DTNA: variants seen among roughly 807,000 people sequenced by gnomAD.
DTNA encodes the protein dystrophin-related protein 3.
Under a neutral mutation model 100.7 loss-of-function variants are expected in DTNA, and 43 were observed. The observed-to-expected ratio is 0.43, with a 90% CI of 0.33 to 0.55. The LOEUF is 0.55. Ranked by LOEUF, DTNA falls within the 20% of genes least tolerant of loss-of-function variation. The pLI is 0.04. For missense variants in DTNA, 798 were observed against 953.9 expected (o/e 0.84, Z 2.15); for synonymous variants, 349 against 347.9 (o/e 1.00, Z -0.04).
intron 5 of DTNA, among the ~76,000 whole-genome samples, chr18:34,811,290 T>C (rs2095480294): frequency 6.6e-6 from 1 of 152,194 alleles, no homozygotes; most frequent in Non-Finnish European, 1.5e-5. Flanking sequence ...TCCAGGACCC[T>C]GACTTTACCT....
chr18:34,575,105 T>A (rs1349198257), intron 1 of DTNA, among the ~76,000 whole-genome samples: 1 of 152,200 alleles, frequency 6.6e-6, no homozygotes, highest in Admixed American at 6.5e-5. Context: ...AAACATTTCT[T>A]CTCTCTTTCT....
intron 1 of DTNA, among the ~76,000 whole-genome samples, chr18:34,510,646 G>A (rs985702834): frequency 8.4e-6 from 1 of 119,752 alleles, no homozygotes; most frequent in Non-Finnish European, 1.7e-5. Context: ...TTTTTTTTTG[G>A]TGCTTCTCAA....
At chr18:34,599,339 G>A (rs2051294405) in intron 1 of DTNA, among the ~76,000 whole-genome samples, 1 of 152,074 alleles carries the variant, frequency 6.6e-6, no homozygotes, top group Non-Finnish European at 1.5e-5. Context: ...ATCTATAAAA[G>A]AACTCTAAAC....
intron 6 of DTNA, among the ~76,000 whole-genome samples, chr18:34,813,681 C>T (rs1324081886): frequency 7.9e-5 from 12 of 151,786 alleles, no homozygotes; most frequent in East Asian, 1.9e-4. Context: ...GTTGAAACCC[C>T]GTCTCTACTA....
intron 1 of DTNA, among the ~76,000 whole-genome samples, chr18:34,726,329 A>G (rs937074692): frequency 2.0e-5 from 3 of 152,162 alleles, no homozygotes; most frequent in African/African-American, 4.8e-5. Context: ...CCCGAATTTC[A>G]TGTCTTTCTC....
chr18:34,744,022 C>T (rs1005796517), intron 1 of DTNA, among the ~76,000 whole-genome samples: 1 of 152,078 alleles, frequency 6.6e-6, no homozygotes, highest in East Asian at 1.9e-4. Flanking sequence ...ATTATTATTT[C>T]CTTTTCCCAG....
intron 1 of DTNA, among the ~76,000 whole-genome samples, chr18:34,508,226 A>G (rs139053316): frequency 1.3e-3 from 196 of 152,168 alleles, no homozygotes; most frequent in Non-Finnish European, 2.3e-3. Flanking sequence ...GACACCCATC[A>G]TTAGGTATTT....
intron 22 of DTNA, among the ~76,000 whole-genome samples, chr18:34,886,174 G>C (rs1250593856): frequency 6.6e-6 from 1 of 152,206 alleles, no homozygotes; most frequent in Non-Finnish European, 1.5e-5. Context: ...AATTAGTAAA[G>C]AATACATGCT....
At chr18:34,773,769 T>C (rs1447710224) in intron 3 of DTNA, among the ~76,000 whole-genome samples, 1 of 152,210 alleles carries the variant, frequency 6.6e-6, no homozygotes, top group Admixed American at 6.5e-5. Flanking sequence ...GCAAAATTAT[T>C]TCCCCTTAAT....
intron 1 of DTNA, among the ~76,000 whole-genome samples, chr18:34,497,093 T>C (rs1421703768): frequency 6.6e-6 from 1 of 152,230 alleles, no homozygotes; most frequent in Non-Finnish European, 1.5e-5. Context: ...TAATGTAATA[T>C]AGTCATTTTC....
intron 3 of DTNA, among the ~76,000 whole-genome samples, chr18:34,777,815 G>A (rs2094133995): frequency 6.6e-6 from 1 of 152,180 alleles, no homozygotes; most frequent in Non-Finnish European, 1.5e-5. Context: ...AGGGATTACA[G>A]ATCCCTCTCT....
chr18:34,780,831 A>G (rs537418817), intron 3 of DTNA, among the ~76,000 whole-genome samples: 1 of 152,346 alleles, frequency 6.6e-6, no homozygotes, highest in African/African-American at 2.4e-5. Context: ...GAAAGCTGAT[A>G]GACAGTGCAG....
intron 1 of DTNA, among the ~76,000 whole-genome samples, chr18:34,659,498 AC>A (rs1175338360): frequency 6.6e-6 from 1 of 152,146 alleles, no homozygotes; most frequent in Non-Finnish European, 1.5e-5. Flanking sequence ...ACTTCTTTGT[AC>A]AACAGTATCT....
At chr18:34,665,120 A>G (rs1461345425) in intron 1 of DTNA, among the ~76,000 whole-genome samples, 1 of 152,064 alleles carries the variant, frequency 6.6e-6, no homozygotes, top group African/African-American at 2.4e-5. Flanking sequence ...ATGCACCACT[A>G]AAGGGCAAGA....
intron 10 of DTNA, among the ~76,000 whole-genome samples, chr18:34,827,946 A>G (rs1225144163): frequency 6.6e-6 from 1 of 152,176 alleles, no homozygotes; most frequent in African/African-American, 2.4e-5. Flanking sequence ...TTTACTACTG[A>G]CACACATGCA....
Position 34,838,103 on chromosome 18 carries a change from C to T in DTNA, c.1185C>T (p.Pro395=). 2 of 1,613,810 alleles carry T rather than the reference C, an allele frequency of 1.2e-6. No individual in the cohort carries two copies. The highest frequency in any genetic ancestry group is 1.1e-5 in the South Asian group (1 of 91,050). The part of the protein sequence containing the change: ...NQLDHGARSP[P]KDSEVEQNKL... ...CCATCTTATTAACTAGCTCTCCTCCCAAGGACAGTGAAGTAGAGCAGAACA... is the reference window on the plus strand; with the variant it reads ...CCATCTTATTAACTAGCTCTCCTCCTAAGGACAGTGAAGTAGAGCAGAACA... The change falls in exon 12 of 23, where the codon CCC becomes CCT. Residue 395 remains proline (P), a synonymous_variant. Coordinates refer to ENST00000444659, the MANE Select transcript of DTNA (RefSeq NM_001386795.1).
intron 1 of DTNA, among the ~76,000 whole-genome samples, chr18:34,747,734 A>G (rs1382010632): frequency 6.6e-6 from 1 of 152,134 alleles, no homozygotes; most frequent in African/African-American, 2.4e-5. Context: ...TTCTTTATCC[A>G]TTCGTTGGTT....
Position 34,891,544 on chromosome 18 carries a change from C to T in DTNA, c.*3810C>T, listed in dbSNP as rs928022246. The T allele has an allele frequency of 6.6e-6, 1 of 152,120 alleles. No individual in the cohort carries two copies. Among genetic ancestry groups the T allele is most frequent in the African/African-American group, 2.4e-5 (1 of 41,396 alleles). 9.4% of individuals were successfully genotyped at this position (152,120 alleles called of 1,614,324 possible). A position where few individuals can be genotyped will look rare whatever the true frequency, so the allele number is the denominator to read the frequency against. ...ATATTGAGCCACCGAGGCAAAATAGCTCACCTTCTCTTGCCTTGGGGGATG... is the reference window on the plus strand; with the variant it reads ...ATATTGAGCCACCGAGGCAAAATAGTTCACCTTCTCTTGCCTTGGGGGATG... On this transcript the variant is annotated 3_prime_UTR_variant, in exon 23 of 23. Transcript: ENST00000444659.
chr18:34,541,983 G>C (rs2044288131), intron 1 of DTNA, among the ~76,000 whole-genome samples: 1 of 152,040 alleles, frequency 6.6e-6, no homozygotes, highest in African/African-American at 2.4e-5. Flanking sequence ...GTTTGTGCAT[G>C]GGGAACAGGG....
Sources: allele counts gnomAD v4.1 joint callset (sites outside exome capture counted in the v4.1 genomes callset), GRCh38; gene constraint gnomAD v4.1.1; transcripts MANE v1.5; gene names NCBI Gene and HGNC (gene_info 2026-07-23, HGNC 2026-07-21).